The following FGF12 variants were observed in gnomAD, a reference collection of about 807,000 sequenced individuals.
The protein encoded by FGF12 is fibroblast growth factor 12.
A neutral mutation model predicts 23.6 loss-of-function variants in FGF12; 14 were observed. That is an observed-to-expected ratio of 0.59 (90% confidence interval 0.39 to 0.93). The LOEUF (loss-of-function observed/expected upper bound fraction) is 0.93. Among genes scored for constraint, FGF12 ranks in the 40% least tolerant of loss-of-function variants. The pLI is 0.00. For synonymous variants in FGF12, 62 were observed against 77.3 expected, an observed-to-expected ratio of 0.80 and a Z score of 1.04; for missense variants, 175 against 217.8, an observed-to-expected ratio of 0.80 and a Z score of 1.24.
intron 2 of FGF12, among the ~76,000 whole-genome samples, chr3:192,715,196 T>C (rs1418176112): frequency 6.6e-6 from 1 of 152,206 alleles, no homozygotes; most frequent in East Asian, 1.9e-4. Context: ...GTTTTTGAAA[T>C]GTAAATGAAA....
chr3:192,166,930 C>T (rs1238524929), intron 5 of FGF12, among the ~76,000 whole-genome samples: 1 of 151,624 alleles, frequency 6.6e-6, no homozygotes, highest in Non-Finnish European at 1.5e-5. Flanking sequence ...ATTAGTGAAT[C>T]TGATTTAGAA....
Position 192,514,891 on chromosome 3 carries a change from G to C in FGF12, c.14-154353C>G. ...CCAGGTGGAGGGGAGTTTGCACATG[G>C]AGCCGGAGGGAGCCCGGGCGCCGGC... On this transcript the variant is annotated intron_variant, in intron 2 of 5. Transcript: ENST00000445105. This position sits in a 1 kb window ranked among gnomAD's most constrained non-coding sequence, Gnocchi z 4.9. The C allele has an allele frequency of 1.0e-6, 1 of 985,144 alleles. No homozygotes were observed. Among genetic ancestry groups the C allele is most frequent in the Non-Finnish European group, 1.2e-6 (1 of 829,734 alleles). The allele number at this position is 985,144 out of a possible 1,614,324, so 61.0% of individuals were successfully genotyped here. A position where few individuals can be genotyped will look rare whatever the true frequency, so the allele number is the denominator to read the frequency against.
In FGF12 at chr3:192,359,485, C is replaced by A. The variant is rs144207366; in HGVS notation, c.124+943G>T. Among the ~76,000 whole-genome samples, 547 of 152,158 alleles carry A rather than the reference C, an allele frequency of 3.6e-3. 6 individuals are homozygous for A. Among genetic ancestry groups the A allele is most frequent in the African/African-American group, 0.012 (496 of 41,494 alleles). ...TATCAGTGAGCATTTATTGTGTGCT[C>A]AACACTAAAGATCTAGCAGTGAAGA... On this transcript the variant is annotated intron_variant, in intron 3 of 5. Transcript: ENST00000445105.
chr3:192,523,016 A>G (rs1207768503), intron 2 of FGF12, among the ~76,000 whole-genome samples: 1 of 152,256 alleles, frequency 6.6e-6, no homozygotes, highest in Non-Finnish European at 1.5e-5. Context: ...ATACTTTAAA[A>G]ATGTACCATA....
intron 2 of FGF12, among the ~76,000 whole-genome samples, chr3:192,513,375 C>T (rs1052904229): frequency 6.6e-6 from 1 of 152,084 alleles, no homozygotes; most frequent in Non-Finnish European, 1.5e-5. Context: ...AATGAGATCT[C>T]GTTGCTGATT....
intron 2 of FGF12, among the ~76,000 whole-genome samples, chr3:192,406,868 A>T (rs963463049): frequency 6.6e-6 from 1 of 152,180 alleles, no homozygotes. Context: ...CATTGCTGGA[A>T]ACCAACAGCA....
At chr3:192,560,772 C>G (rs1711985922) in intron 2 of FGF12, among the ~76,000 whole-genome samples, 1 of 152,010 alleles carries the variant, frequency 6.6e-6, no homozygotes, top group African/African-American at 2.4e-5. Context: ...CTAATTTTAA[C>G]AAACTCTTTC....
chr3:192,372,300 G>A (rs997628347), intron 2 of FGF12, among the ~76,000 whole-genome samples: 1 of 151,932 alleles, frequency 6.6e-6, no homozygotes, highest in Admixed American at 6.6e-5. Context: ...CAAGCCTGAG[G>A]AATTCCCTCA....
intron 2 of FGF12, among the ~76,000 whole-genome samples, chr3:192,439,705 G>GCA (rs1315408343): frequency 6.6e-6 from 1 of 152,142 alleles, no homozygotes; most frequent in East Asian, 1.9e-4. Flanking sequence ...GGCCAGGCGT[G>GCA]GTGGCTCACG....
intron 2 of FGF12, among the ~76,000 whole-genome samples, chr3:192,713,363 A>G (rs1484888812): frequency 6.6e-6 from 1 of 152,208 alleles, no homozygotes; most frequent in Non-Finnish European, 1.5e-5. Flanking sequence ...AAGAGTCGAA[A>G]GTGATTGTAG....
At chr3:192,601,339 C>T (rs1038798886) in intron 2 of FGF12, among the ~76,000 whole-genome samples, 1 of 152,028 alleles carries the variant, frequency 6.6e-6, no homozygotes. Flanking sequence ...ATAAAAATTA[C>T]AGCTAGATAG....
intron 4 of FGF12, among the ~76,000 whole-genome samples, chr3:192,327,072 T>C (rs546746574): frequency 6.6e-6 from 1 of 152,340 alleles, no homozygotes; most frequent in Non-Finnish European, 1.5e-5. Flanking sequence ...ATTTCAACTC[T>C]AGTTCTATTA....
intron 2 of FGF12, among the ~76,000 whole-genome samples, chr3:192,600,241 T>C (rs1438239577): frequency 6.8e-6 from 1 of 147,794 alleles, no homozygotes; most frequent in East Asian, 2.0e-4. Context: ...ATCTGTTCCA[T>C]TGGTCTATGT....
intron 4 of FGF12, among the ~76,000 whole-genome samples, chr3:192,224,827 T>G (rs1339719993): frequency 6.6e-6 from 1 of 152,174 alleles, no homozygotes; most frequent in Non-Finnish European, 1.5e-5. Context: ...CCATTGCCAC[T>G]GAGATTCTTG....
intron 2 of FGF12, among the ~76,000 whole-genome samples, chr3:192,452,976 G>A (rs73068371): frequency 0.13 from 19,069 of 152,038 alleles, 3,882 homozygotes; most frequent in African/African-American, 0.43. Flanking sequence ...TCTATGATGC[G>A]TATCTTTCCA....
At chr3:192,443,476 G>A (rs577192916) in intron 2 of FGF12, among the ~76,000 whole-genome samples, 2 of 152,350 alleles carry the variant, frequency 1.3e-5, no homozygotes, top group South Asian at 4.1e-4. Context: ...TGGAAAGGTT[G>A]TTGGAGAGCT....
At chr3:192,663,760 A>G (rs1033216794) in intron 2 of FGF12, among the ~76,000 whole-genome samples, 5 of 151,900 alleles carry the variant, frequency 3.3e-5, no homozygotes, top group Admixed American at 2.6e-4. Flanking sequence ...TGCAATCAAT[A>G]TATATTTTTG....
chr3:192,443,069 A>C (rs758298226), intron 2 of FGF12, among the ~76,000 whole-genome samples: 2 of 152,074 alleles, frequency 1.3e-5, no homozygotes, highest in Admixed American at 6.5e-5. Context: ...CAACCTCCTA[A>C]AGTGCTGAGA....
intron 4 of FGF12, among the ~76,000 whole-genome samples, chr3:192,203,808 T>A (rs1448590388): frequency 1.3e-5 from 2 of 152,156 alleles, no homozygotes; most frequent in African/African-American, 4.8e-5. Context: ...CTCACTATGT[T>A]GCCCAGGCTG....
Sources: gnomAD v4.1 joint callset for allele counts (sites outside exome capture counted in the v4.1 genomes callset) on GRCh38, gnomAD v4.1.1 for gene constraint, Gnocchi (gnomAD v3.1) non-coding constraint, MANE v1.5 for transcripts, NCBI Gene and HGNC (gene_info 2026-07-23, HGNC 2026-07-21) for gene names.